Variants in IL1RAP observed in about 807,000 individuals in gnomAD.
The protein encoded by IL1RAP is interleukin-1 receptor accessory protein.
A neutral mutation model predicts 60.7 loss-of-function variants in IL1RAP; 35 were observed. The observed-to-expected ratio is 0.58, with a 90% CI of 0.44 to 0.76. IL1RAP has a LOEUF of 0.76. IL1RAP is among the 30% of genes least tolerant of loss of function. The pLI is 0.00. For synonymous variants in IL1RAP, 268 were observed against 250.9 expected, an observed-to-expected ratio of 1.07 and a Z score of -0.64; for missense variants, 572 against 693.9, an observed-to-expected ratio of 0.82 and a Z score of 1.97.
At position 190,629,565 on chromosome 3, in the gene IL1RAP, G is replaced by T. The variant is rs1577778553; in HGVS notation, c.1051+67G>T. ...AACATTGTGGTGAATAAGGACAAAA[G>T]GAGAGATTGAGAACAAGAGAGCTCC... is the stretch of plus-strand genomic sequence containing the variant. On this transcript the variant is annotated intron_variant, in intron 9 of 11. Transcript: ENST00000447382. The T allele has an allele frequency of 7.8e-6, 12 of 1,531,520 alleles. No individual in the cohort carries two copies. In the South Asian group the frequency reaches 1.6e-4, roughly 20 times the overall value. 94.9% of individuals were successfully genotyped at this position (1,531,520 alleles called of 1,614,324 possible). A position where few individuals can be genotyped will look rare whatever the true frequency, so the allele number is the denominator to read the frequency against.
At chr3:190,633,492 G>A (rs4686559) in intron 9 of IL1RAP, among the ~76,000 whole-genome samples, 92,900 of 151,696 alleles carry the variant, frequency 0.61, 29,834 homozygotes, top group East Asian at 0.81. Flanking sequence ...GAGTAGCTGC[G>A]ATTACAGGTC....
intron 3 of IL1RAP, among the ~76,000 whole-genome samples, chr3:190,577,025 C>T (rs796425783): frequency 6.2e-5 from 9 of 145,058 alleles, no homozygotes; most frequent in East Asian, 6.0e-4. Flanking sequence ...GGCGTGAACC[C>T]GGGAGGCGGA....
chr3:190,627,782 A>G (rs76081506), intron 8 of IL1RAP, among the ~76,000 whole-genome samples: 2,225 of 152,274 alleles, frequency 0.015, 47 homozygotes, highest in African/African-American at 0.044. Context: ...AAGTAGAGAG[A>G]ATACATATCT....
chr3:190,639,214 C>A (rs766733235), intron 9 of IL1RAP, among the ~76,000 whole-genome samples: 1 of 151,660 alleles, frequency 6.6e-6, no homozygotes, highest in African/African-American at 2.4e-5. Flanking sequence ...ATATGTCTAG[C>A]TTTCCCCCTC....
intron 3 of IL1RAP, among the ~76,000 whole-genome samples, chr3:190,573,073 C>A (rs1727124391): frequency 1.9e-5 from 1 of 52,858 alleles, no homozygotes; most frequent in South Asian, 4.8e-4. Flanking sequence ...CCGTTTTAGC[C>A]GGGATGGTCT....
chr3:190,517,664 A>C (rs1577481872), intron 1 of IL1RAP, among the ~76,000 whole-genome samples: 1 of 152,320 alleles, frequency 6.6e-6, no homozygotes, highest in South Asian at 2.1e-4. Flanking sequence ...GCAGATGTAG[A>C]AGGAACATTT....
At chr3:190,630,120 T>C in intron 9 of IL1RAP, 4 of 778,426 alleles carry the variant, frequency 5.1e-6, no homozygotes, top group Non-Finnish European at 6.2e-6. Context: ...TATGTATCAA[T>C]ATTTAAGCAG....
At position 190,541,198 on chromosome 3, in the gene IL1RAP, G is replaced by C. The variant is rs550109257; in HGVS notation, c.-88-14932G>C. ...CTGGGAGATAGGGGTGCTATCTCCTGTGATGTTCACTTTTCAAAGAGATGG... is the reference window on the plus strand; with the variant it reads ...CTGGGAGATAGGGGTGCTATCTCCTCTGATGTTCACTTTTCAAAGAGATGG... On this transcript the variant is annotated intron_variant, in intron 1 of 11. Coordinates refer to ENST00000447382, the MANE Select transcript of IL1RAP (RefSeq NM_002182.4). Among the ~76,000 whole-genome samples the C allele has an allele frequency of 2.6e-5, 4 of 152,140 alleles. No homozygotes were observed. The East Asian group carries it at 5.8e-4, about 22-fold the overall frequency.
chr3:190,563,851 A>T (rs1033298241), intron 2 of IL1RAP: 1 of 163,364 alleles, frequency 6.1e-6, no homozygotes, highest in African/African-American at 2.4e-5. Flanking sequence ...GGTTGAATTT[A>T]TCTGCCAGAA....
chr3:190,574,646 A>G (rs1335446368), intron 3 of IL1RAP, among the ~76,000 whole-genome samples: 1 of 152,156 alleles, frequency 6.6e-6, no homozygotes, highest in Non-Finnish European at 1.5e-5. Context: ...AGAGTTCTAG[A>G]AAGTTCTTTT....
Position 190,620,433 on chromosome 3 carries a change from G to A in IL1RAP, c.696G>A (p.Lys232=), listed in dbSNP as rs753270795. The change falls in exon 6 of 12, where the codon AAG becomes AAA. Residue 232 remains lysine, a synonymous_variant. Coordinates refer to ENST00000447382, the MANE Select transcript of IL1RAP (RefSeq NM_002182.4). The part of the protein sequence containing the change: ...TFHLTRTLTV[K]VVGSPKNAVP... ...ATCTCACCAGGACTCTGACTGTAAA[G>A]GTAGTAGGTAAGCATGATTAGTGTC... 1 of 1,610,738 alleles carries A rather than the reference G, an allele frequency of 6.2e-7. No homozygotes were observed. Among genetic ancestry groups the A allele is most frequent in the Non-Finnish European group, 8.5e-7 (1 of 1,178,888 alleles).
rs748583915 is a variant in IL1RAP at position 190,648,667 on chromosome 3, G to A, written c.1675G>A (p.Glu559Lys). ...KKSPRRSSSD[E>K]QGLSYSSLKN... ...AAGTCCCAGGCGGTCTAGCAGTGATGAGCAGGGCCTCTCGTATTCATCTTT... is the reference window on the plus strand; with the variant it reads ...AAGTCCCAGGCGGTCTAGCAGTGATAAGCAGGGCCTCTCGTATTCATCTTT... Residue 559 changes from glutamate (E) to lysine (K), a missense_variant, in exon 12 of 12, where the codon GAG (glutamate) becomes AAG (lysine). Glu to Lys is a moderately conservative substitution (Grantham distance 56). Coordinates refer to ENST00000447382, the MANE Select transcript of IL1RAP (RefSeq NM_002182.4). 3 of 1,613,828 alleles carry A rather than the reference G, an allele frequency of 1.9e-6. No homozygotes were observed. The highest frequency in any genetic ancestry group is 2.2e-5 in the South Asian group (2 of 91,038).
At chr3:190,514,473 G>T (rs1183024920) in intron 1 of IL1RAP, among the ~76,000 whole-genome samples, 1 of 152,122 alleles carries the variant, frequency 6.6e-6, no homozygotes, top group Non-Finnish European at 1.5e-5. Context: ...TCTGCTCGTT[G>T]CCGCCCCCAT....
intron 1 of IL1RAP, 122 bp downstream of exon 1, chr3:190,514,341 A>T (rs1453847488): frequency 6.6e-6 from 1 of 152,408 alleles, no homozygotes; most frequent in Non-Finnish European, 1.5e-5. Context: ...ACTGAGGCAC[A>T]GAACGAGGCA....
At chr3:190,618,587 C>T (rs536602373) in intron 5 of IL1RAP, among the ~76,000 whole-genome samples, 1 of 152,116 alleles carries the variant, frequency 6.6e-6, no homozygotes, top group Non-Finnish European at 1.5e-5. Context: ...GCTAAGCTAA[C>T]AAATGAGGGG....
rs1207564948 is a variant in IL1RAP at position 190,637,795 on chromosome 3, C to G, written c.1052-6453C>G. ...TCTACCCCCACCTTCCCCACCTCCC[C>G]AAACAATACAACTGTTTTTATTTCC... is the stretch of plus-strand genomic sequence containing the variant. On this transcript the variant is annotated intron_variant, in intron 9 of 11. Coordinates refer to ENST00000447382, the MANE Select transcript of IL1RAP (RefSeq NM_002182.4). Among the ~76,000 whole-genome samples, 3 of 152,018 alleles carry G rather than the reference C, an allele frequency of 2.0e-5. No homozygotes were observed. In the East Asian group the frequency reaches 5.8e-4, roughly 29 times the overall value.
intron 9 of IL1RAP, chr3:190,630,182 A>G: frequency 2.7e-6 from 2 of 754,634 alleles, no homozygotes; most frequent in Non-Finnish European, 3.2e-6. Flanking sequence ...CATTTAAATT[A>G]TGATTTTAAA....
In IL1RAP at chr3:190,620,366, A is replaced by C; in HGVS notation, c.629A>C (p.Tyr210Ser). 1 of 1,611,840 alleles carries C rather than the reference A, an allele frequency of 6.2e-7. No individual in the cohort carries two copies. The highest frequency in any genetic ancestry group is 8.5e-7 in the Non-Finnish European group (1 of 1,178,346). The change falls in exon 6 of 12, where the codon TAC (tyrosine) becomes TCC (serine). Residue 210 changes from tyrosine to serine, a missense_variant. Transcript: ENST00000447382. Reference protein sequence around the residue: ...LIALISNNGNYTCVVTYPENG... With the variant: ...LIALISNNGNSTCVVTYPENG... ...GCCTTAATTTCAAATAATGGAAATT[A>C]CACATGTGTTGTTACATATCCAGAA...
chr3:190,604,295 G>A lies in IL1RAP; in HGVS notation c.232G>A (p.Asp78Asn). ...CTGGTATTGGACTAGGCAGGACCGG[G>A]ACCTTGAGGAGCCAATTAACTTCCG... Reference protein sequence around the residue: ...LIWYWTRQDRDLEEPINFRLP... With the variant: ...LIWYWTRQDRNLEEPINFRLP... Residue 78 changes from aspartate to asparagine, a missense_variant, in exon 4 of 12, where the codon GAC (aspartate) becomes AAC (asparagine). Transcript: ENST00000447382. 1.9e-6 allele frequency: 3 copies of A among 1,613,896 alleles called. No individual in the cohort carries two copies. The highest frequency in any genetic ancestry group is 2.5e-6 in the Non-Finnish European group (3 of 1,179,974).
Sources: allele counts gnomAD v4.1 joint callset (sites outside exome capture counted in the v4.1 genomes callset), GRCh38; gene constraint gnomAD v4.1.1; transcripts MANE v1.5; gene names NCBI Gene and HGNC (gene_info 2026-07-23, HGNC 2026-07-21).